ADAMTS6: variants seen among roughly 807,000 people sequenced by gnomAD.
ADAMTS6 encodes the protein ADAM metallopeptidase with thrombospondin type 1 motif 6.
ADAMTS6 carries 23 observed loss-of-function variants against 144.3 expected under a neutral mutation model. That is an observed-to-expected ratio of 0.16 (90% CI 0.11 to 0.23). ADAMTS6 has a LOEUF of 0.23. Ranked by LOEUF, ADAMTS6 falls within the 10% of genes least tolerant of loss-of-function variation. The pLI, the probability that ADAMTS6 is intolerant of heterozygous loss-of-function variation, is 1.00. For synonymous variants in ADAMTS6, 444 were observed against 457.5 expected (o/e 0.97, Z 0.38); for missense variants, 999 against 1,379.6 (o/e 0.72, Z 4.37).
intron 7 of ADAMTS6, among the ~76,000 whole-genome samples, chr5:65,443,693 A>G (rs1758051073): frequency 6.6e-6 from 1 of 150,610 alleles, no homozygotes; most frequent in African/African-American, 2.4e-5. Context: ...GTATTAATCC[A>G]CTTTAAAAAA....
chr5:65,295,081 TTATAAG>T (rs1414119075), intron 10 of ADAMTS6, among the ~76,000 whole-genome samples: 2 of 152,148 alleles, frequency 1.3e-5, no homozygotes, highest in Non-Finnish European at 2.9e-5. Flanking sequence ...AATATTCCAT[TTATAAG>T]TATGTCACAG....
chr5:65,275,359 GAAA>G (rs1283511878), intron 11 of ADAMTS6, among the ~76,000 whole-genome samples: 36 of 32,786 alleles, frequency 1.1e-3, no homozygotes, highest in African/African-American at 4.0e-3. Context: ...AGAAGAGAAA[GAAA>G]GAAAGAAAGA....
At chr5:65,427,285 C>G (rs144431232) in intron 7 of ADAMTS6, among the ~76,000 whole-genome samples, 1 of 151,690 alleles carries the variant, frequency 6.6e-6, no homozygotes, top group Admixed American at 6.6e-5. Context: ...GAATCAATCA[C>G]TTAATTTTAT....
At chr5:65,398,771 G>GAAAGA (rs1753581544) in intron 7 of ADAMTS6, among the ~76,000 whole-genome samples, 17 of 139,594 alleles carry the variant, frequency 1.2e-4, no homozygotes, top group African/African-American at 4.3e-4. Context: ...GAGAGAGAAA[G>GAAAGA]AAGAGAGAGC....
chr5:65,291,564 T>C (rs1007435947), intron 10 of ADAMTS6, 94 bp from the exon 11 acceptor site: 2 of 1,307,248 alleles, frequency 1.5e-6, no homozygotes, highest in Non-Finnish European at 2.0e-6. Context: ...TTTTAATAAC[T>C]TGACGCATGA....
intron 7 of ADAMTS6, among the ~76,000 whole-genome samples, chr5:65,360,762 G>A (rs1268532440): frequency 3.9e-5 from 6 of 152,060 alleles, no homozygotes; most frequent in South Asian, 2.1e-4. Flanking sequence ...TCTTTAATCC[G>A]ACACCTAAGA....
chr5:65,309,591 TAC>T (rs149843490), intron 9 of ADAMTS6, among the ~76,000 whole-genome samples: 8,928 of 146,642 alleles, frequency 0.061, 809 homozygotes, highest in African/African-American at 0.2. Flanking sequence ...CCTGTTATAA[TAC>T]ACACACACAC....
chr5:65,346,375 A>G (rs905712036), intron 7 of ADAMTS6, among the ~76,000 whole-genome samples: 5 of 151,954 alleles, frequency 3.3e-5, no homozygotes, highest in African/African-American at 1.2e-4. Flanking sequence ...AAGGACAAAA[A>G]TCATATGATC....
intron 14 of ADAMTS6, 67 bp downstream of exon 14, chr5:65,260,532 TA>T: frequency 3.1e-6 from 4 of 1,305,654 alleles, no homozygotes; most frequent in Non-Finnish European, 3.3e-6. Flanking sequence ...AGTTTAAAAT[TA>T]AAAAAATTTC....
At chr5:65,318,531 A>C (rs1745236651) in intron 9 of ADAMTS6, among the ~76,000 whole-genome samples, 1 of 152,252 alleles carries the variant, frequency 6.6e-6, no homozygotes, top group African/African-American at 2.4e-5. Flanking sequence ...TATACATAAC[A>C]GAGTACTATT....
rs1260248480 is a variant in ADAMTS6, at chr5:65,402,436, C to T, written c.1073+49039G>A. Among the ~76,000 whole-genome samples, 4 of 152,260 alleles carry T rather than the reference C, an allele frequency of 2.6e-5. No homozygotes were observed. In the East Asian group the frequency reaches 7.7e-4, roughly 29 times the overall value. On this transcript the variant is annotated intron_variant, in intron 7 of 24. Coordinates refer to ENST00000381055, the MANE Select transcript of ADAMTS6 (RefSeq NM_197941.4). Reference sequence around the variant, plus strand: ...TTAGCAATACCCAACAATGCTACTACATTTCACTAGGGACTTTCTCCTACT... The same window carrying T: ...TTAGCAATACCCAACAATGCTACTATATTTCACTAGGGACTTTCTCCTACT...
chr5:65,375,143 A>C (rs1751396203), intron 7 of ADAMTS6, among the ~76,000 whole-genome samples: 1 of 152,258 alleles, frequency 6.6e-6, no homozygotes, highest in Admixed American at 6.5e-5. Flanking sequence ...GTTAGACCTA[A>C]AACCATAAAA....
chr5:65,464,561 A>G (rs2150272079), intron 3 of ADAMTS6, among the ~76,000 whole-genome samples: 1 of 152,340 alleles, frequency 6.6e-6, no homozygotes, highest in Middle Eastern at 3.4e-3. Flanking sequence ...GTAAAAATAA[A>G]GATGTGATAT....
chr5:65,391,968 T>G (rs1221436147), intron 7 of ADAMTS6, among the ~76,000 whole-genome samples: 1 of 152,092 alleles, frequency 6.6e-6, no homozygotes, highest in Non-Finnish European at 1.5e-5. Flanking sequence ...ACTCCTGATC[T>G]CAAGTGATCC....
At chr5:65,406,390 A>G (rs13165215) in intron 7 of ADAMTS6, among the ~76,000 whole-genome samples, 204 of 152,240 alleles carry the variant, frequency 1.3e-3, no homozygotes, top group Non-Finnish European at 2.5e-3. Context: ...CCTTTTCGGC[A>G]TCTATTGAGA....
intron 7 of ADAMTS6, among the ~76,000 whole-genome samples, chr5:65,403,011 C>A (rs1286392637): frequency 6.6e-6 from 1 of 151,778 alleles, no homozygotes; most frequent in East Asian, 1.9e-4. Flanking sequence ...TTCTGCTTAC[C>A]CCTCTGTTAA....
intron 7 of ADAMTS6, among the ~76,000 whole-genome samples, chr5:65,431,513 C>T (rs1756996941): frequency 6.6e-6 from 1 of 152,006 alleles, no homozygotes; most frequent in African/African-American, 2.4e-5. Context: ...GTAAACTAAC[C>T]ATAAGACAGG....
intron 11 of ADAMTS6, among the ~76,000 whole-genome samples, chr5:65,281,665 A>G (rs1270881741): frequency 7.9e-5 from 12 of 152,146 alleles, no homozygotes; most frequent in Admixed American, 7.9e-4. Flanking sequence ...TTTGAAATGA[A>G]CAACACTATT....
intron 20 of ADAMTS6, among the ~76,000 whole-genome samples, chr5:65,201,598 A>G (rs1755742935): frequency 6.6e-6 from 1 of 152,200 alleles, no homozygotes. Context: ...GTGATAGACC[A>G]TGTAATGGAT....
Sources: gnomAD v4.1 joint callset for allele counts (sites outside exome capture counted in the v4.1 genomes callset) on GRCh38, gnomAD v4.1.1 for gene constraint, MANE v1.5 for transcripts, NCBI Gene and HGNC (gene_info 2026-07-23, HGNC 2026-07-21) for gene names.